CCDC88C: variants seen among roughly 807,000 people sequenced by gnomAD.
The protein encoded by CCDC88C is coiled-coil and HOOK domain protein 88C.
A neutral mutation model predicts 198.8 loss-of-function variants in CCDC88C; 131 were observed. The ratio of observed to expected loss-of-function variants is 0.66; its 90% CI spans 0.57 to 0.76. The LOEUF (loss-of-function observed/expected upper bound fraction) is 0.76. CCDC88C is among the 30% of genes least tolerant of loss of function. The pLI is 0.00. For synonymous variants in CCDC88C, 1,166 were observed against 1,114.7 expected (o/e 1.05, Z -0.92); for missense variants, 2,553 against 2,631.6 (o/e 0.97, Z 0.65).
intron 10 of CCDC88C, among the ~76,000 whole-genome samples, chr14:91,328,767 G>A (rs931708576): frequency 6.6e-6 from 1 of 152,074 alleles, no homozygotes. Context: ...CATGCGCAGC[G>A]CCTGAGACCT....
chr14:91,337,482 G>A (rs1187877864), intron 10 of CCDC88C, among the ~76,000 whole-genome samples: 2 of 152,236 alleles, frequency 1.3e-5, no homozygotes, highest in Non-Finnish European at 2.9e-5. Flanking sequence ...TGGGACTGCA[G>A]GCACGTGGCA....
intron 15 of CCDC88C, among the ~76,000 whole-genome samples, chr14:91,312,677 C>T (rs923620597): frequency 9.9e-5 from 15 of 152,120 alleles, no homozygotes; most frequent in Admixed American, 7.9e-4. Flanking sequence ...AGTGAGACTC[C>T]GTCTCAAAAA....
At position 91,272,875 on chromosome 14, in the gene CCDC88C, C is replaced by T. The variant is rs754039877; in HGVS notation, c.5837G>A (p.Arg1946His). 10 of 1,589,844 alleles carry T rather than the reference C, an allele frequency of 6.3e-6. No individual in the cohort carries two copies. The East Asian group carries it at 6.8e-5, about 11-fold the overall frequency. ...GGTGATGGTGGCCACCTCCCCTGAG[C>T]GTGGGGGCGCCTTGGGCTTGGTCCT... ...AARTKPKAPPRSGEVATITPV... is the reference protein window; with the variant it reads ...AARTKPKAPPHSGEVATITPV... Residue 1946 changes from arginine (R) to histidine (H), a missense_variant, in exon 30 of 30, where the codon CGC becomes CAC. Physicochemically the swap from Arg to His is conservative, Grantham distance 29. Transcript: ENST00000389857.
rs1424427371 is a variant in CCDC88C, at chr14:91,342,402, C to T, written c.461G>A (p.Gly154Asp). ...IKQLDIETQA[G>D]IVAHIQEVTH... The stretch of plus-strand genomic sequence containing the variant: ...TACCTCCTGGATATGGGCCACGATG[C>T]CAGCCTGGGTCTCAATGTCCAGCTG... The change falls in exon 6 of 30, where the codon GGC becomes GAC. Residue 154 changes from glycine to aspartate, a missense_variant. Coordinates refer to ENST00000389857, the MANE Select transcript of CCDC88C (RefSeq NM_001080414.4). The T allele has an allele frequency of 6.3e-7, 1 of 1,594,856 alleles. No individual in the cohort carries two copies. Among genetic ancestry groups the T allele is most frequent in the Non-Finnish European group, 8.5e-7 (1 of 1,170,466 alleles).
At chr14:91,413,166 T>C (rs1886873438) in intron 2 of CCDC88C, among the ~76,000 whole-genome samples, 1 of 152,156 alleles carries the variant, frequency 6.6e-6, no homozygotes, top group Admixed American at 6.5e-5. Context: ...AACCGGATGG[T>C]TTACTCTCAC....
intron 4 of CCDC88C, among the ~76,000 whole-genome samples, chr14:91,357,066 C>T (rs1036882477): frequency 3.9e-5 from 6 of 152,164 alleles, no homozygotes; most frequent in Non-Finnish European, 2.9e-5. Flanking sequence ...CATAGATGTC[C>T]ATGTGTGACA....
At chr14:91,335,927 GC>G (rs1381840135) in intron 10 of CCDC88C, among the ~76,000 whole-genome samples, 1 of 152,182 alleles carries the variant, frequency 6.6e-6, no homozygotes, top group African/African-American at 2.4e-5. Flanking sequence ...CTCAGCAGTG[GC>G]CTGGACTTAA....
chr14:91,309,876 G>C lies in CCDC88C; in HGVS notation c.2847C>G (p.Asp949Glu). 1 of 1,611,054 alleles carries C rather than the reference G, an allele frequency of 6.2e-7. No individual in the cohort carries two copies. The highest frequency in any genetic ancestry group is 8.5e-7 in the Non-Finnish European group (1 of 1,177,796). Residue 949 changes from aspartate (D) to glutamate (E), a missense_variant, in exon 16 of 30, where the codon GAC (aspartate) becomes GAG (glutamate). This residue lies in a region of CCDC88C where 1,260 missense variants were observed against 1,412.0 expected (regional missense o/e 0.89). Transcript: ENST00000389857. ...GLNRELLLQE[D>E]DSGSDTKYKI... ...GCCCTCACGTGTCACTGCCGCTGTC[G>C]TCCTCCTGCAACAGCAGCTCCCTGT...
At chr14:91,386,707 G>A (rs551369951) in intron 3 of CCDC88C, among the ~76,000 whole-genome samples, 11 of 152,340 alleles carry the variant, frequency 7.2e-5, no homozygotes, top group African/African-American at 2.2e-4. Flanking sequence ...AGTGTTGGAC[G>A]TGATTGTTCA....
At chr14:91,382,493 G>A (rs796640561) in intron 3 of CCDC88C, among the ~76,000 whole-genome samples, 12 of 152,286 alleles carry the variant, frequency 7.9e-5, no homozygotes, top group African/African-American at 2.9e-4. Flanking sequence ...TCAAAGTCAG[G>A]TCCCTAAGAA....
rs941145662 is a variant in CCDC88C, at chr14:91,379,621, T to C, written c.271-19910A>G. The stretch of plus-strand genomic sequence containing the variant: ...GAAGTGGGACGCTGACGGTGCCTCC[T>C]GGGGTAGGAACTCCGGCCTCAAGCT... On this transcript the variant is annotated intron_variant, in intron 3 of 29. Transcript: ENST00000389857. The C allele has an allele frequency of 8.7e-5, 50 of 576,570 alleles. No individual in the cohort carries two copies. In the African/African-American group the frequency reaches 8.7e-4, roughly 10 times the overall value. 35.7% of individuals were successfully genotyped at this position (576,570 alleles called of 1,614,324 possible).
In CCDC88C at chr14:91,338,774, T is replaced by C. The variant is rs1220734256; in HGVS notation, c.810-204A>G. 5.2e-6 allele frequency: 3 copies of C among 573,768 alleles called. No homozygotes were observed. The highest frequency in any genetic ancestry group is 2.0e-5 in the South Asian group (1 of 48,848). The allele number at this position is 573,768 out of a possible 1,614,324, so 35.5% of individuals were successfully genotyped here. On this transcript the variant is annotated intron_variant, in intron 8 of 29. Coordinates refer to ENST00000389857, the MANE Select transcript of CCDC88C (RefSeq NM_001080414.4). The surrounding 1 kb of genome is among the most constrained non-coding windows in gnomAD (Gnocchi z 4.8). Reference sequence around the variant, plus strand: ...TTCATAAGTTTGCAACACCGGCCCTTAAACTATGTCCATCCGCCACTCAGG... The same window carrying C: ...TTCATAAGTTTGCAACACCGGCCCTCAAACTATGTCCATCCGCCACTCAGG...
intron 4 of CCDC88C, among the ~76,000 whole-genome samples, chr14:91,344,933 C>T (rs1176934719): frequency 2.0e-5 from 3 of 151,160 alleles, no homozygotes; most frequent in Non-Finnish European, 2.9e-5. Context: ...AGTAGCTAGA[C>T]TACAGGTGCG....
intron 3 of CCDC88C, 39 bp from the exon 4 acceptor site, chr14:91,359,750 G>C (rs562564466): frequency 1.5e-5 from 24 of 1,556,636 alleles, no homozygotes; most frequent in Non-Finnish European, 2.1e-5. Flanking sequence ...ATTAAGAACC[G>C]GAAACAAAAA....
rs1893826322 is a variant in CCDC88C, at chr14:91,352,008, C to T, written c.340+7634G>A. ...CCAGAAAAGCAGAATCAGCCACAAGCCTGCAGCTTGAGACTCAAGTTTGCC... is the reference window on the plus strand; with the variant it reads ...CCAGAAAAGCAGAATCAGCCACAAGTCTGCAGCTTGAGACTCAAGTTTGCC... On this transcript the variant is annotated intron_variant, in intron 4 of 29. Coordinates refer to ENST00000389857, the MANE Select transcript of CCDC88C (RefSeq NM_001080414.4). The surrounding 1 kb of genome is among the most constrained non-coding windows in gnomAD (Gnocchi z 4.2). Among the ~76,000 whole-genome samples the T allele has an allele frequency of 6.6e-6, 1 of 152,230 alleles. No individual in the cohort carries two copies. The highest frequency in any genetic ancestry group is 6.5e-5 in the Admixed American group (1 of 15,288).
At chr14:91,342,611 C>A in intron 5 of CCDC88C, 148 bp from the exon 6 acceptor site, 1 of 665,098 alleles carries the variant, frequency 1.5e-6, no homozygotes, top group East Asian at 2.8e-5. Context: ...CTCCTACCAG[C>A]CTTACACTGA....
chr14:91,396,819 ACT>A (rs2139992417), intron 3 of CCDC88C, among the ~76,000 whole-genome samples: 1 of 152,174 alleles, frequency 6.6e-6, no homozygotes, highest in Non-Finnish European at 1.5e-5. Flanking sequence ...ACACAGGGAG[ACT>A]CTGTCTCTAC....
chr14:91,321,681 A>C (rs993739282), intron 12 of CCDC88C, among the ~76,000 whole-genome samples: 16 of 152,206 alleles, frequency 1.1e-4, no homozygotes, highest in African/African-American at 3.9e-4. Context: ...CATACCCCCC[A>C]GAGCATAATG....
intron 23 of CCDC88C, among the ~76,000 whole-genome samples, chr14:91,291,334 AG>A (rs1890649723): frequency 6.6e-6 from 1 of 152,224 alleles, no homozygotes; most frequent in Non-Finnish European, 1.5e-5. Context: ...AGCGAGCTCA[AG>A]GCAGCAAACT....
Sources: gnomAD v4.1 joint callset for allele counts (sites outside exome capture counted in the v4.1 genomes callset) on GRCh38, gnomAD v4.1.1 for gene constraint, gnomAD v4.1.1 regional missense constraint, Gnocchi (gnomAD v3.1) non-coding constraint, MANE v1.5 for transcripts, NCBI Gene and HGNC (gene_info 2026-07-23, HGNC 2026-07-21) for gene names.